Variants in FER observed in about 807,000 individuals in gnomAD.
The protein encoded by FER is FER tyrosine kinase, also known as tyrosine-protein kinase Fer.
In FER, 63 loss-of-function variants were observed where a neutral mutation model predicts 111.0. The observed-to-expected ratio is 0.57, with a 90% CI of 0.46 to 0.70. FER has a LOEUF of 0.70. Ranked by LOEUF, FER falls within the 30% of genes least tolerant of loss-of-function variation. The probability of loss-of-function intolerance (pLI) is 0.00; values close to 1 mark genes in which losing one functional copy is unlikely to be tolerated. For missense variants in FER, 914 were observed against 954.0 expected (o/e 0.96, Z 0.55); for synonymous variants, 327 against 313.9 (o/e 1.04, Z -0.44).
chr5:108,998,875 T>C (rs978780617), intron 13 of FER, among the ~76,000 whole-genome samples: 4 of 152,170 alleles, frequency 2.6e-5, no homozygotes, highest in Non-Finnish European at 5.9e-5. Flanking sequence ...TTACTGAGGA[T>C]TTTTGCCTCG....
chr5:109,036,833 C>G (rs1454312926), intron 13 of FER, among the ~76,000 whole-genome samples: 2 of 151,908 alleles, frequency 1.3e-5, no homozygotes, highest in Admixed American at 1.3e-4. Context: ...TGCTCTCTTT[C>G]AATGATATGT....
chr5:108,857,146 A>C (rs1027572081), intron 5 of FER, among the ~76,000 whole-genome samples: 15 of 152,114 alleles, frequency 9.9e-5, no homozygotes, highest in African/African-American at 3.6e-4. Context: ...TATGTGGTGC[A>C]TACATATATA....
At chr5:109,058,503 T>G (rs1773925774) in intron 16 of FER, among the ~76,000 whole-genome samples, 1 of 149,712 alleles carries the variant, frequency 6.7e-6, no homozygotes, top group Non-Finnish European at 1.5e-5. Flanking sequence ...TCTACAAAAC[T>G]TAAAATTAAT....
chr5:108,749,186 A>G (rs905175575), intron 1 of FER, among the ~76,000 whole-genome samples: 1 of 151,518 alleles, frequency 6.6e-6, no homozygotes, highest in Admixed American at 6.6e-5. Context: ...GCCCCCCCCA[A>G]CCCCCGTCCC....
At chr5:108,834,560 C>T (rs1451449114) in intron 4 of FER, among the ~76,000 whole-genome samples, 1 of 151,814 alleles carries the variant, frequency 6.6e-6, no homozygotes, top group East Asian at 1.9e-4. Context: ...TAGCCAGGTG[C>T]GGTGGTGCAC....
intron 17 of FER, among the ~76,000 whole-genome samples, chr5:109,140,185 CTT>C (rs1753376464): frequency 6.6e-6 from 1 of 152,068 alleles, no homozygotes; most frequent in South Asian, 2.1e-4. Context: ...TTGAGTGGCT[CTT>C]AATTCAAATA....
intron 13 of FER, among the ~76,000 whole-genome samples, chr5:108,963,610 G>A (rs1477155601): frequency 6.6e-6 from 1 of 151,938 alleles, no homozygotes; most frequent in East Asian, 1.9e-4. Context: ...ATAGGCAGAG[G>A]GCAATTAATT....
intron 16 of FER, among the ~76,000 whole-genome samples, chr5:109,089,556 A>G (rs903575737): frequency 6.6e-6 from 1 of 152,178 alleles, no homozygotes; most frequent in African/African-American, 2.4e-5. Flanking sequence ...TTGATCCTCT[A>G]CTGAGACACT....
At chr5:109,114,123 T>A (rs2126433278) in intron 17 of FER, among the ~76,000 whole-genome samples, 1 of 152,210 alleles carries the variant, frequency 6.6e-6, no homozygotes, top group African/African-American at 2.4e-5. Flanking sequence ...GATGGGTACT[T>A]ACTTCCCCAC....
intron 3 of FER, among the ~76,000 whole-genome samples, chr5:108,801,600 A>G (rs1235121937): frequency 2.6e-5 from 4 of 152,200 alleles, no homozygotes; most frequent in African/African-American, 4.8e-5. Context: ...ATCACGTACT[A>G]TGCATATAAC....
rs554241746 is a variant in FER at position 109,012,973 on chromosome 5, G to A, written c.1657-24449G>A. The stretch of plus-strand genomic sequence containing the variant: ...TAACTCACTTATTTCTCCCTTGGCT[G>A]AACGTGTGGAGCGGAATTACCTGTT... On this transcript the variant is annotated intron_variant, in intron 13 of 19. Transcript: ENST00000281092. Among the ~76,000 whole-genome samples the A allele has an allele frequency of 5.9e-5, 9 of 151,826 alleles. No individual in the cohort carries two copies. The South Asian group carries it at 1.9e-3, about 32-fold the overall frequency.
chr5:108,969,778 A>G (rs1428374032), intron 13 of FER, among the ~76,000 whole-genome samples: 1 of 148,072 alleles, frequency 6.8e-6, no homozygotes, highest in Non-Finnish European at 1.5e-5. Flanking sequence ...AAGTAGGAAA[A>G]GCAGTTTATA....
intron 13 of FER, among the ~76,000 whole-genome samples, chr5:108,990,123 A>G (rs1288185206): frequency 6.6e-6 from 1 of 151,986 alleles, no homozygotes; most frequent in Non-Finnish European, 1.5e-5. Context: ...GCAGCTTCTT[A>G]ACATTAGTGT....
chr5:108,754,376 C>A (rs191591678), intron 1 of FER, among the ~76,000 whole-genome samples: 3 of 137,964 alleles, frequency 2.2e-5, no homozygotes, highest in Admixed American at 7.9e-5. Flanking sequence ...CACTGTGCTT[C>A]GGCCTGGGCA....
Position 108,775,251 on chromosome 5 carries a change from A to G in FER, c.-60+7013A>G, listed in dbSNP as rs186429267. ...TCCCTGTTCTGTTCCATTTGTCTAT[A>G]TATCTGTTTTGGTACTAGTACCATG... On this transcript the variant is annotated intron_variant, in intron 2 of 19. Transcript: ENST00000281092. 4.2e-3 allele frequency among the ~76,000 whole-genome samples: 633 copies of G among 152,206 alleles called. 4 individuals are homozygous for G. The highest frequency in any genetic ancestry group is 0.015 in the African/African-American group (614 of 41,536).
chr5:109,051,434 T>A (rs1004444607), intron 16 of FER: 2 of 1,612,968 alleles, frequency 1.2e-6, no homozygotes, highest in African/African-American at 2.7e-5. Flanking sequence ...TTTTTAGAAT[T>A]CTGGTTATCA....
At chr5:108,866,354 G>A (rs1022730566) in intron 5 of FER, among the ~76,000 whole-genome samples, 7 of 152,156 alleles carry the variant, frequency 4.6e-5, no homozygotes, top group South Asian at 2.1e-4. Context: ...TAAACACCGC[G>A]TGTTCTCACC....
chr5:109,010,750 T>G (rs1766157515), intron 13 of FER, among the ~76,000 whole-genome samples: 1 of 152,196 alleles, frequency 6.6e-6, no homozygotes, highest in South Asian at 2.1e-4. Flanking sequence ...AAAGTCCTGC[T>G]GACTATAAAT....
intron 3 of FER, among the ~76,000 whole-genome samples, chr5:108,815,581 T>G (rs193025764): frequency 2.0e-5 from 3 of 152,270 alleles, no homozygotes; most frequent in Admixed American, 6.5e-5. Context: ...TTACTTTGCT[T>G]CTTCTTCTTT....
Sources: gnomAD v4.1 joint callset for allele counts (sites outside exome capture counted in the v4.1 genomes callset) on GRCh38, gnomAD v4.1.1 for gene constraint, MANE v1.5 for transcripts, NCBI Gene and HGNC (gene_info 2026-07-23, HGNC 2026-07-21) for gene names.